FGD4: variants seen among roughly 807,000 people sequenced by gnomAD.
FGD4 encodes the protein FYVE, RhoGEF and PH domain-containing protein 4.
A neutral mutation model predicts 102.0 loss-of-function variants in FGD4; 42 were observed. That is an observed-to-expected ratio of 0.41 (90% CI 0.32 to 0.53). The LOEUF (loss-of-function observed/expected upper bound fraction) is 0.53, where lower values mean the gene tolerates loss of function less well. Ranked by LOEUF, FGD4 falls within the 20% of genes least tolerant of loss-of-function variation. The pLI is 0.21. For synonymous variants in FGD4, 380 were observed against 375.7 expected, an observed-to-expected ratio of 1.01 and a Z score of -0.13; for missense variants, 902 against 1,078.2, an observed-to-expected ratio of 0.84 and a Z score of 2.29.
Position 32,544,369 on chromosome 12 carries a change from G to T in FGD4, c.167-19768G>T, listed in dbSNP as rs1199294067. ...CACTTGAACCTGGGAGGGAGAGGTT[G>T]CAGTGAGCCGAGATGGTGCCACTGC... On this transcript the variant is annotated intron_variant, in intron 1 of 16. Coordinates refer to ENST00000534526, the MANE Select transcript of FGD4 (RefSeq NM_001370298.3). This position sits in a 1 kb window ranked among gnomAD's most constrained non-coding sequence, Gnocchi z 4.1. Among the ~76,000 whole-genome samples, 1 of 152,134 alleles carries T rather than the reference G, an allele frequency of 6.6e-6. No individual in the cohort carries two copies.
At chr12:32,577,474 C>G (rs1480708400) in intron 3 of FGD4, among the ~76,000 whole-genome samples, 2 of 152,176 alleles carry the variant, frequency 1.3e-5, no homozygotes, top group Non-Finnish European at 2.9e-5. Context: ...TGTGAACAAG[C>G]ACAAAACCTG....
chr12:32,433,615 G>A (rs1942126211), intron 1 of FGD4, among the ~76,000 whole-genome samples: 1 of 152,044 alleles, frequency 6.6e-6, no homozygotes, highest in Admixed American at 6.6e-5. Flanking sequence ...GGGATTATAA[G>A]CATGAGCCAC....
intron 11 of FGD4, among the ~76,000 whole-genome samples, chr12:32,622,832 AT>A (rs1044040017): frequency 1.3e-5 from 2 of 152,110 alleles, no homozygotes; most frequent in Non-Finnish European, 2.9e-5. Context: ...ACCTCAGGTG[AT>A]CCACCCACCT....
intron 1 of FGD4, among the ~76,000 whole-genome samples, chr12:32,464,902 C>A (rs1273775015): frequency 6.6e-6 from 1 of 152,142 alleles, no homozygotes; most frequent in Non-Finnish European, 1.5e-5. Context: ...CATTAAAGTT[C>A]GAGCTTGTAC....
At chr12:32,410,370 T>C (rs1311768343) in intron 1 of FGD4, among the ~76,000 whole-genome samples, 2 of 151,474 alleles carry the variant, frequency 1.3e-5, no homozygotes, top group Non-Finnish European at 2.9e-5. Flanking sequence ...TCTTAGCTAC[T>C]CAGGAGGGTG....
At chr12:32,476,332 A>G (rs1206438643) in intron 1 of FGD4, among the ~76,000 whole-genome samples, 2 of 152,220 alleles carry the variant, frequency 1.3e-5, no homozygotes, top group African/African-American at 4.8e-5. Flanking sequence ...GCTTAAAAAC[A>G]AGTATTTTCT....
At chr12:32,400,965 G>A (rs1264366407) in intron 1 of FGD4, among the ~76,000 whole-genome samples, 1 of 152,168 alleles carries the variant, frequency 6.6e-6, no homozygotes, top group Non-Finnish European at 1.5e-5. Context: ...TATAACTACA[G>A]TAGATAAGGG....
chr12:32,596,695 C>T lies in FGD4; in HGVS notation c.1012-1802C>T, dbSNP rs142359658. ...TCATGCCTGTAATCCCAGCACTTTG[C>T]GGGGCTGAGGCGGGCGGATCACCTG... On this transcript the variant is annotated intron_variant, in intron 4 of 16. Coordinates refer to ENST00000534526, the MANE Select transcript of FGD4 (RefSeq NM_001370298.3). Among the ~76,000 whole-genome samples, 785 of 151,298 alleles carry T rather than the reference C, an allele frequency of 5.2e-3. 6 individuals carry two copies. Among genetic ancestry groups the T allele is most frequent in the African/African-American group, 0.017 (715 of 41,194 alleles).
chr12:32,416,497 G>T (rs1941419409), intron 1 of FGD4, among the ~76,000 whole-genome samples: 3 of 150,232 alleles, frequency 2.0e-5, no homozygotes, highest in African/African-American at 2.5e-5. Flanking sequence ...TTATTTTTTG[G>T]GTGTCCATTG....
chr12:32,484,483 G>A (rs959638321), intron 1 of FGD4, among the ~76,000 whole-genome samples: 6 of 152,152 alleles, frequency 3.9e-5, no homozygotes, highest in Non-Finnish European at 8.8e-5. Context: ...ACTATCACAT[G>A]AAAAGGGACA....
intron 1 of FGD4, among the ~76,000 whole-genome samples, chr12:32,524,184 C>G (rs1055511664): frequency 6.6e-6 from 1 of 151,600 alleles, no homozygotes; most frequent in African/African-American, 2.4e-5. Context: ...ATCACGAGGT[C>G]AGGAGATCGA....
At chr12:32,625,459 A>C (rs1207492309) in intron 13 of FGD4, among the ~76,000 whole-genome samples, 195 bp from the exon 14 acceptor site, 1 of 151,428 alleles carries the variant, frequency 6.6e-6, no homozygotes, top group Non-Finnish European at 1.5e-5. Flanking sequence ...TAGTAGAGAG[A>C]GGGTTTCACC....
At chr12:32,558,045 G>A (rs907446848) in intron 1 of FGD4, among the ~76,000 whole-genome samples, 1 of 152,156 alleles carries the variant, frequency 6.6e-6, no homozygotes, top group Non-Finnish European at 1.5e-5. Flanking sequence ...AGTGAGATGG[G>A]TGCATTGCCT....
chr12:32,492,580 T>C (rs1944139481), intron 1 of FGD4, among the ~76,000 whole-genome samples: 1 of 152,226 alleles, frequency 6.6e-6, no homozygotes, highest in Non-Finnish European at 1.5e-5. Flanking sequence ...CAACAGTGTG[T>C]ATTTGAAATT....
At chr12:32,488,831 C>T (rs1349889707) in intron 1 of FGD4, among the ~76,000 whole-genome samples, 2 of 152,004 alleles carry the variant, frequency 1.3e-5, no homozygotes, top group African/African-American at 4.8e-5. Context: ...CCCAGCTACT[C>T]GGGAGGCTGA....
At chr12:32,473,948 C>G (rs1943512712) in intron 1 of FGD4, among the ~76,000 whole-genome samples, 1 of 151,904 alleles carries the variant, frequency 6.6e-6, no homozygotes, top group South Asian at 2.1e-4. Flanking sequence ...CTTAGCCGAG[C>G]ATGGTGGTGG....
chr12:32,431,044 C>T (rs918155371), intron 1 of FGD4, among the ~76,000 whole-genome samples: 1 of 152,196 alleles, frequency 6.6e-6, no homozygotes, highest in Admixed American at 6.5e-5. Context: ...GGTTTTGGAA[C>T]TGAATGAACA....
At chr12:32,575,993 T>G (rs1946096725) in intron 2 of FGD4, among the ~76,000 whole-genome samples, 1 of 152,208 alleles carries the variant, frequency 6.6e-6, no homozygotes, top group African/African-American at 2.4e-5. Context: ...GCTTTAGCCT[T>G]ATGTGGATTC....
intron 1 of FGD4, among the ~76,000 whole-genome samples, chr12:32,512,079 A>C (rs747634466): frequency 1.3e-5 from 2 of 151,984 alleles, no homozygotes; most frequent in Non-Finnish European, 2.9e-5. Context: ...CTTTTTTGTG[A>C]TGCTTCTCAA....
Sources: allele counts gnomAD v4.1 joint callset (sites outside exome capture counted in the v4.1 genomes callset), GRCh38; gene constraint gnomAD v4.1.1; non-coding constraint Gnocchi (gnomAD v3.1); transcripts MANE v1.5; gene names NCBI Gene and HGNC (gene_info 2026-07-23, HGNC 2026-07-21).